The following GAS7 variants were observed in gnomAD, a reference collection of about 807,000 sequenced individuals.
The protein encoded by GAS7 is growth arrest-specific protein 7.
Under a neutral mutation model 71.1 loss-of-function variants are expected in GAS7, and 28 were observed. The ratio of observed to expected loss-of-function variants is 0.39; its 90% CI spans 0.29 to 0.54. GAS7 has a LOEUF of 0.54. Ranked by LOEUF, GAS7 falls within the 20% of genes least tolerant of loss-of-function variation. The pLI, the probability that GAS7 is intolerant of heterozygous loss-of-function variation, is 0.62. For synonymous variants in GAS7, 258 were observed against 245.8 expected (o/e 1.05, Z -0.46); for missense variants, 436 against 627.8 (o/e 0.69, Z 3.27).
intron 1 of GAS7, among the ~76,000 whole-genome samples, chr17:10,152,120 C>T (rs575704508): frequency 2.6e-5 from 4 of 152,170 alleles, no homozygotes; most frequent in African/African-American, 4.8e-5. Context: ...CTGGCTGTCA[C>T]GTGTAGGTGG....
intron 1 of GAS7, among the ~76,000 whole-genome samples, chr17:10,196,611 GCTAA>G (rs1389275644): frequency 6.6e-6 from 1 of 152,116 alleles, no homozygotes; most frequent in African/African-American, 2.4e-5. Flanking sequence ...CTCCACTCTT[GCTAA>G]CTAACACCTA....
chr17:10,081,678 C>T (rs1195587223), intron 1 of GAS7, among the ~76,000 whole-genome samples: 5 of 152,130 alleles, frequency 3.3e-5, no homozygotes, highest in Non-Finnish European at 4.4e-5. Flanking sequence ...AAAACAGACA[C>T]GACCTGACTA....
At chr17:9,971,543 C>A (rs533331397) in intron 3 of GAS7, among the ~76,000 whole-genome samples, 1 of 152,150 alleles carries the variant, frequency 6.6e-6, no homozygotes, top group African/African-American at 2.4e-5. Flanking sequence ...CCAGCCCACA[C>A]TTCAGAGTGT....
chr17:10,056,869 C>T (rs1394614664), intron 1 of GAS7, among the ~76,000 whole-genome samples: 5 of 152,144 alleles, frequency 3.3e-5, no homozygotes, highest in East Asian at 1.9e-4. Flanking sequence ...GCCGCCATCT[C>T]GACTCACTGC....
At chr17:9,920,715 G>A (rs1178425489) in intron 11 of GAS7, among the ~76,000 whole-genome samples, 1 of 152,240 alleles carries the variant, frequency 6.6e-6, no homozygotes, top group Non-Finnish European at 1.5e-5. Flanking sequence ...CTTTGTCTCA[G>A]CGTAGCTTCC....
At chr17:9,927,420 C>T (rs572740046) in intron 9 of GAS7, among the ~76,000 whole-genome samples, 31 of 150,796 alleles carry the variant, frequency 2.1e-4, no homozygotes, top group African/African-American at 7.6e-4. Context: ...TGGGAGGTTG[C>T]AGTGAGCCGA....
intron 2 of GAS7, among the ~76,000 whole-genome samples, chr17:9,994,513 CT>C (rs2070962705): frequency 6.9e-6 from 1 of 144,046 alleles, no homozygotes; most frequent in East Asian, 2.0e-4. Flanking sequence ...TTCCTTACAC[CT>C]TATACAAAAA....
chr17:9,985,807 C>T (rs2070624412), intron 2 of GAS7, among the ~76,000 whole-genome samples: 1 of 152,224 alleles, frequency 6.6e-6, no homozygotes, highest in African/African-American at 2.4e-5. Flanking sequence ...CTGAAGGCCC[C>T]TCCCAGCTCA....
At chr17:10,117,910 A>G (rs538380517) in intron 1 of GAS7, among the ~76,000 whole-genome samples, 45 of 152,296 alleles carry the variant, frequency 3.0e-4, no homozygotes, top group Middle Eastern at 6.8e-3. Flanking sequence ...TGAGAAAAAA[A>G]GGGGAGTCAA....
chr17:10,103,174 A>C lies in GAS7; in HGVS notation c.184-83277T>G, dbSNP rs1449254920. Among the ~76,000 whole-genome samples, 2 of 151,916 alleles carry C rather than the reference A, an allele frequency of 1.3e-5. No individual in the cohort carries two copies. The highest frequency in any genetic ancestry group is 4.2e-4 in the South Asian group (2 of 4,808). ...TTGAGACCAGCCTGGGCAATATGGC[A>C]AAACCCCTCCTCTAAAAAAATTAGC... On this transcript the variant is annotated intron_variant, in intron 1 of 13. Coordinates refer to ENST00000432992, the MANE Select transcript of GAS7 (RefSeq NM_201433.2). The surrounding 1 kb of genome is among the most constrained non-coding windows in gnomAD (Gnocchi z 5.5).
At chr17:10,049,543 T>G (rs928064775) in intron 1 of GAS7, among the ~76,000 whole-genome samples, 1 of 151,662 alleles carries the variant, frequency 6.6e-6, no homozygotes, top group African/African-American at 2.4e-5. Context: ...AATTTTAAAA[T>G]TTTACTTTAT....
Position 9,917,194 on chromosome 17 carries a change from C to T in GAS7, c.*34G>A. ...CCATGGTGGGAGCCCAGCCCCCCTC[C>T]CCAGCAGGACCCCCCGAAGCTGCAC... On this transcript the variant is annotated 3_prime_UTR_variant, in exon 14 of 14. Coordinates refer to ENST00000432992, the MANE Select transcript of GAS7 (RefSeq NM_201433.2). 7.7e-7 allele frequency: 1 copy of T among 1,294,610 alleles called. No individual in the cohort carries two copies. The highest frequency in any genetic ancestry group is 1.7e-5 in the Admixed American group (1 of 59,614). 80.2% of individuals were successfully genotyped at this position (1,294,610 alleles called of 1,614,324 possible). A position where few individuals can be genotyped will look rare whatever the true frequency, so the allele number is the denominator to read the frequency against.
At chr17:10,128,422 G>C (rs898128497) in intron 1 of GAS7, among the ~76,000 whole-genome samples, 1 of 151,936 alleles carries the variant, frequency 6.6e-6, no homozygotes, top group African/African-American at 2.4e-5. Flanking sequence ...CACAGCCCGG[G>C]ATTCCATACT....
Position 9,926,847 on chromosome 17 carries a change from G to A in GAS7, c.886-78C>T. The A allele has an allele frequency of 6.6e-7, 1 of 1,510,974 alleles. No homozygotes were observed. Among genetic ancestry groups the A allele is most frequent in the Non-Finnish European group, 9.2e-7 (1 of 1,088,444 alleles). The allele number at this position is 1,510,974 out of a possible 1,614,324, so 93.6% of individuals were successfully genotyped here. ...CAGTGCAGGGAGGAGGGATGGGAGG[G>A]GCACCCCCACTTCCCCAGGCAAGTG... is the stretch of plus-strand genomic sequence containing the variant. On this transcript the variant is annotated intron_variant, in intron 9 of 13. Coordinates refer to ENST00000432992, the MANE Select transcript of GAS7 (RefSeq NM_201433.2). This position sits in a 1 kb window ranked among gnomAD's most constrained non-coding sequence, Gnocchi z 5.0.
At chr17:10,063,525 T>G (rs76078463) in intron 1 of GAS7, among the ~76,000 whole-genome samples, 2,594 of 152,324 alleles carry the variant, frequency 0.017, 77 homozygotes, top group African/African-American at 0.057. Flanking sequence ...TTATGCTTAT[T>G]CCAGAGAATG....
chr17:9,992,089 A>C (rs1456974228), intron 2 of GAS7, among the ~76,000 whole-genome samples: 3 of 152,156 alleles, frequency 2.0e-5, no homozygotes, highest in Non-Finnish European at 4.4e-5. Context: ...AAGCGATCTC[A>C]GTGACTAACC....
At chr17:9,954,937 G>A (rs966767387) in intron 5 of GAS7, among the ~76,000 whole-genome samples, 22 of 152,132 alleles carry the variant, frequency 1.4e-4, no homozygotes, top group African/African-American at 3.9e-4. Flanking sequence ...GTGTGTGCGC[G>A]CAGATGTCCT....
At chr17:10,061,930 AT>A (rs2073224406) in intron 1 of GAS7, among the ~76,000 whole-genome samples, 1 of 152,148 alleles carries the variant, frequency 6.6e-6, no homozygotes, top group East Asian at 1.9e-4. Context: ...ACTTGGTGAC[AT>A]TTACTGGCCA....
At chr17:9,971,135 G>C (rs750672051) in intron 3 of GAS7, among the ~76,000 whole-genome samples, 2 of 152,192 alleles carry the variant, frequency 1.3e-5, no homozygotes, top group East Asian at 3.9e-4. Context: ...GGTAGCTCAC[G>C]CCTATAATCC....
Sources: gnomAD v4.1 joint callset for allele counts (sites outside exome capture counted in the v4.1 genomes callset) on GRCh38, gnomAD v4.1.1 for gene constraint, Gnocchi (gnomAD v3.1) non-coding constraint, MANE v1.5 for transcripts, NCBI Gene and HGNC (gene_info 2026-07-23, HGNC 2026-07-21) for gene names.